Variants in ALDH1A2 observed in about 807,000 individuals in gnomAD.
ALDH1A2 encodes retinal dehydrogenase 2.
A neutral mutation model predicts 60.3 loss-of-function variants in ALDH1A2; 27 were observed. That is an observed-to-expected ratio of 0.45 (90% CI 0.33 to 0.62). The LOEUF is 0.62. Ranked by LOEUF, ALDH1A2 falls within the 20% of genes least tolerant of loss-of-function variation. The pLI is 0.02. For synonymous variants in ALDH1A2, 289 were observed against 232.4 expected, an observed-to-expected ratio of 1.24 and a Z score of -2.21; for missense variants, 581 against 643.8, an observed-to-expected ratio of 0.90 and a Z score of 1.06.
At chr15:57,981,288 A>AC (rs1491444799) in intron 7 of ALDH1A2, among the ~76,000 whole-genome samples, 1 of 128,840 alleles carries the variant, frequency 7.8e-6, no homozygotes, top group Non-Finnish European at 1.7e-5. Flanking sequence ...ATAGAAGAGC[A>AC]AACACACACA....
chr15:58,005,454 T>A (rs373828267), intron 4 of ALDH1A2, among the ~76,000 whole-genome samples: 3 of 151,972 alleles, frequency 2.0e-5, no homozygotes, highest in African/African-American at 7.2e-5. Flanking sequence ...ATCTGCTGAA[T>A]AAATGAATGT....
intron 1 of ALDH1A2, chr15:58,058,101 T>C: frequency 6.5e-7 from 1 of 1,528,012 alleles, no homozygotes; most frequent in Non-Finnish European, 8.8e-7. Context: ...CAAGTCCAAT[T>C]TTCACACCTA....
chr15:58,035,557 G>A (rs1307339772), intron 1 of ALDH1A2, among the ~76,000 whole-genome samples: 1 of 151,494 alleles, frequency 6.6e-6, no homozygotes. Flanking sequence ...CATTCAGTGT[G>A]ATACATTTCT....
intron 11 of ALDH1A2, 63 bp downstream of exon 11, chr15:57,961,074 T>C: frequency 6.3e-7 from 1 of 1,598,356 alleles, no homozygotes; most frequent in Non-Finnish European, 8.6e-7. Context: ...GAGATACTTG[T>C]TTATTTCACC....
chr15:58,001,661 G>C (rs1444751053), intron 4 of ALDH1A2, among the ~76,000 whole-genome samples: 5 of 151,940 alleles, frequency 3.3e-5, no homozygotes, highest in Admixed American at 6.6e-5. Flanking sequence ...TGGTCTCTCA[G>C]TATGGCAGGA....
intron 11 of ALDH1A2, 24 bp from the exon 12 acceptor site, chr15:57,960,868 G>A (rs1893694699): frequency 1.3e-6 from 2 of 1,597,026 alleles, no homozygotes; most frequent in Non-Finnish European, 8.6e-7. Flanking sequence ...ACATAGCACT[G>A]TGAGTTCGTG....
intron 7 of ALDH1A2, chr15:57,990,781 C>T (rs1894869349): frequency 6.7e-6 from 1 of 148,436 alleles, no homozygotes; most frequent in Non-Finnish European, 1.5e-5. Flanking sequence ...GAGGCTGAGG[C>T]AGGAGAATCG....
At chr15:58,016,387 G>T (rs976730448) in intron 1 of ALDH1A2, among the ~76,000 whole-genome samples, 4 of 151,958 alleles carry the variant, frequency 2.6e-5, no homozygotes, top group Admixed American at 2.6e-4. Flanking sequence ...CAGGTGATCT[G>T]CCTGCCTCCC....
intron 7 of ALDH1A2, among the ~76,000 whole-genome samples, chr15:57,987,782 G>T (rs1308471802): frequency 6.6e-6 from 1 of 151,676 alleles, no homozygotes; most frequent in African/African-American, 2.4e-5. Context: ...CTACTCGGAA[G>T]GCTGAGGCAG....
chr15:58,023,137 TA>T (rs1260357685), intron 1 of ALDH1A2, among the ~76,000 whole-genome samples: 18 of 152,108 alleles, frequency 1.2e-4, no homozygotes, highest in African/African-American at 4.3e-4. Context: ...ACCAAAGAGA[TA>T]AATTTTTTTT....
chr15:58,029,870 C>T (rs1389593582), intron 1 of ALDH1A2, among the ~76,000 whole-genome samples: 1 of 152,066 alleles, frequency 6.6e-6, no homozygotes, highest in Non-Finnish European at 1.5e-5. Context: ...GACCAATAAT[C>T]AGTTCTGAAA....
rs879500544 is a variant in ALDH1A2 at position 58,061,595 on chromosome 15, C to CAAAAAAAAAAAAAA, written c.117+3925_117+3938dup. 1.8e-3 allele frequency among the ~76,000 whole-genome samples: 78 copies of CAAAAAAAAAAAAAA among 43,240 alleles called. 2 individuals carry two copies. The highest frequency in any genetic ancestry group is 3.0e-3 in the Non-Finnish European group (61 of 20,124). The allele number at this position is 43,240 out of a possible 152,430, so 28.4% of individuals were successfully genotyped here. A position where few individuals can be genotyped will look rare whatever the true frequency, so the allele number is the denominator to read the frequency against. ...ATATAAAGATTTAAACTCCTTCCCT[C>CAAAAAAAAAAAAAA]AAAAAAAAAAAAAACAAAAAAAAAA... On this transcript the variant is annotated intron_variant, in intron 1 of 12. Coordinates refer to ENST00000249750, the MANE Select transcript of ALDH1A2 (RefSeq NM_003888.4).
intron 1 of ALDH1A2, among the ~76,000 whole-genome samples, chr15:58,061,595 C>CAAAAAAAAAAAAAAAAAAAAAAAA (rs879500544): frequency 4.6e-5 from 2 of 43,326 alleles, no homozygotes; most frequent in Non-Finnish European, 9.9e-5. Flanking sequence ...CTCCTTCCCT[C>CAAAAAAAAAAAAAAAAAAAAAAAA]AAAAAAAAAA....
At chr15:57,960,044 C>T (rs1242979574) in intron 12 of ALDH1A2, among the ~76,000 whole-genome samples, 3 of 152,204 alleles carry the variant, frequency 2.0e-5, no homozygotes, top group Admixed American at 6.5e-5. Flanking sequence ...ATCCCTGTAG[C>T]AGATCATATC....
At chr15:58,038,606 G>A (rs542074757) in intron 1 of ALDH1A2, 1 of 151,892 alleles carries the variant, frequency 6.6e-6, no homozygotes, top group Admixed American at 6.6e-5. Context: ...AGCCTTGACA[G>A]AGGCAAGCTG....
rs142097386 is a variant in ALDH1A2, at chr15:58,065,585, C to G, written c.66G>C (p.Ser22=). The G allele has an allele frequency of 1.9e-6, 3 of 1,613,070 alleles. No individual in the cohort carries two copies. Among genetic ancestry groups the G allele is most frequent in the Non-Finnish European group, 2.5e-6 (3 of 1,179,450 alleles). The change falls in exon 1 of 13, where the codon TCG becomes TCC. Residue 22 remains serine, a synonymous_variant. Coordinates refer to ENST00000249750, the MANE Select transcript of ALDH1A2 (RefSeq NM_003888.4). ...GCGTGGGCGACGGCAGGAGGTGCAG[C>G]GACGCCATGAGGGCGGCGGGGTCGG... The part of the protein sequence containing the change: ...VKADPAALMA[S]LHLLPSPTPN...
rs1161526170 is a variant in ALDH1A2, at chr15:57,954,162, A to ATGAT, written c.*1031_*1034dup. The ATGAT allele has an allele frequency of 6.6e-6, 1 of 152,376 alleles. No individual in the cohort carries two copies. The highest frequency in any genetic ancestry group is 2.4e-5 in the African/African-American group (1 of 41,456). The allele number at this position is 152,376 out of a possible 1,614,324, so 9.4% of individuals were successfully genotyped here. A position where few individuals can be genotyped will look rare whatever the true frequency, so the allele number is the denominator to read the frequency against. ...ACTGCCAATAGATACAGGGCACATT[A>ATGAT]TGATAGATGTACAGTGTGACAGACC... On this transcript the variant is annotated 3_prime_UTR_variant, in exon 13 of 13. Transcript: ENST00000249750.
At chr15:57,980,146 C>T in intron 7 of ALDH1A2, 1 of 284,858 alleles carries the variant, frequency 3.5e-6, no homozygotes, top group Non-Finnish European at 7.3e-6. Context: ...CCATTTGCAG[C>T]CCGATGACGC....
At position 57,995,075 on chromosome 15, in the gene ALDH1A2, C is replaced by T; in HGVS notation, c.555+3G>A. The T allele has an allele frequency of 1.2e-6, 2 of 1,609,672 alleles. No individual in the cohort carries two copies. ...AATACGAGGTGCGAGGAAATACACT[C>T]ACTGGGATGATCTGTCCACACACTC... On this transcript the variant is annotated splice_donor_region_variant and intron_variant, in intron 5 of 12. Transcript: ENST00000249750.
Sources: allele counts gnomAD v4.1 joint callset (sites outside exome capture counted in the v4.1 genomes callset), GRCh38; gene constraint gnomAD v4.1.1; transcripts MANE v1.5; gene names NCBI Gene and HGNC (gene_info 2026-07-23, HGNC 2026-07-21).